The following NPNT variants were observed in gnomAD, a reference collection of about 807,000 sequenced individuals.
NPNT encodes the protein nephronectin.
In NPNT, 45 loss-of-function variants were observed where a neutral mutation model predicts 68.6. That is an observed-to-expected ratio of 0.66 (90% CI 0.52 to 0.84). The LOEUF (loss-of-function observed/expected upper bound fraction) is 0.84, where lower values mean the gene tolerates loss of function less well. NPNT is among the 40% of genes least tolerant of loss of function. The pLI is 0.00. For synonymous variants in NPNT, 233 were observed against 253.3 expected (o/e 0.92, Z 0.76); for missense variants, 672 against 714.8 (o/e 0.94, Z 0.68).
At chr4:105,928,709 A>T (rs1051958462) in intron 3 of NPNT, among the ~76,000 whole-genome samples, 6 of 152,010 alleles carry the variant, frequency 3.9e-5, no homozygotes, top group African/African-American at 1.2e-4. Flanking sequence ...TGTCAAAAAT[A>T]AAAAAGATAA....
At chr4:105,923,396 T>C (rs1728410159) in intron 2 of NPNT, among the ~76,000 whole-genome samples, 1 of 152,212 alleles carries the variant, frequency 6.6e-6, no homozygotes. Flanking sequence ...TACTAGGATC[T>C]ACTCATAACT....
At chr4:105,914,768 A>C (rs1236265211) in intron 2 of NPNT, among the ~76,000 whole-genome samples, 1 of 152,040 alleles carries the variant, frequency 6.6e-6, no homozygotes, top group Admixed American at 6.6e-5. Context: ...TCCTGGGCAC[A>C]CAGAAAAATG....
At chr4:105,944,605 A>G (rs1045772485) in intron 8 of NPNT, among the ~76,000 whole-genome samples, 4 of 152,230 alleles carry the variant, frequency 2.6e-5, no homozygotes, top group Non-Finnish European at 5.9e-5. Context: ...CAGAGTTCCA[A>G]TGATGTTTGG....
At chr4:105,925,959 A>G (rs1728645840) in intron 2 of NPNT, among the ~76,000 whole-genome samples, 1 of 152,228 alleles carries the variant, frequency 6.6e-6, no homozygotes, top group Non-Finnish European at 1.5e-5. Context: ...TCTGAAATGT[A>G]GGGAACATAA....
chr4:105,942,273 G>A, intron 7 of NPNT, 34 bp from the exon 8 acceptor site: 2 of 1,536,728 alleles, frequency 1.3e-6, no homozygotes, highest in Non-Finnish European at 1.8e-6. Context: ...GGGAGGAATG[G>A]TTACATACTG....
chr4:105,932,179 C>T (rs1695991868), intron 3 of NPNT, among the ~76,000 whole-genome samples: 1 of 149,504 alleles, frequency 6.7e-6, no homozygotes, highest in African/African-American at 2.5e-5. Flanking sequence ...TATTGTACAA[C>T]GTGATAGTGT....
chr4:105,921,549 C>T (rs1578611832), intron 2 of NPNT, among the ~76,000 whole-genome samples: 1 of 152,164 alleles, frequency 6.6e-6, no homozygotes, highest in South Asian at 2.1e-4. Context: ...GTTTTTACTG[C>T]AGCAGGAGTT....
chr4:105,958,975 T>C, intron 9 of NPNT, 53 bp from the exon 10 acceptor site: 1 of 1,132,234 alleles, frequency 8.8e-7, no homozygotes, highest in Non-Finnish European at 1.4e-6. Flanking sequence ...GATTCATTTG[T>C]TGTTTTTTGT....
chr4:105,949,558 A>T (rs1407178638), intron 8 of NPNT, among the ~76,000 whole-genome samples: 1 of 152,184 alleles, frequency 6.6e-6, no homozygotes, highest in East Asian at 1.9e-4. Context: ...GGGGATTGTT[A>T]AAAAGCCACT....
At chr4:105,932,695 C>T in intron 3 of NPNT, 1 of 1,535,598 alleles carries the variant, frequency 6.5e-7, no homozygotes, top group Middle Eastern at 1.7e-4. Flanking sequence ...ACAAGTTTGC[C>T]TTCAAGGGGT....
chr4:105,939,266 G>A (rs915186794), intron 5 of NPNT, among the ~76,000 whole-genome samples: 1 of 152,216 alleles, frequency 6.6e-6, no homozygotes, highest in Admixed American at 6.5e-5. Context: ...TTAGCCTTAA[G>A]GTAAGACCTG....
chr4:105,967,679 C>T (rs1732279917), intron 11 of NPNT, among the ~76,000 whole-genome samples: 1 of 151,460 alleles, frequency 6.6e-6, no homozygotes, highest in Admixed American at 6.6e-5. Context: ...GGTAAAGATC[C>T]ATTTTTTTTT....
rs899438822 is a variant in NPNT, at chr4:105,970,247, T to C, written c.*1257T>C. ...GGGCAAGTTGGAATTCTAAGATCCA[T>C]GAACCCCCAACTGTATTTCCTCCCT... On this transcript the variant is annotated 3_prime_UTR_variant, in exon 12 of 12. Coordinates refer to ENST00000379987, the MANE Select transcript of NPNT (RefSeq NM_001033047.3). 1 of 570,088 alleles carries C rather than the reference T, an allele frequency of 1.8e-6. No individual in the cohort carries two copies. Among genetic ancestry groups the C allele is most frequent in the Admixed American group, 3.0e-5 (1 of 32,802 alleles). The allele number at this position is 570,088 out of a possible 1,614,324, so 35.3% of individuals were successfully genotyped here.
chr4:105,951,261 G>A (rs888965592), intron 8 of NPNT, among the ~76,000 whole-genome samples: 1 of 152,194 alleles, frequency 6.6e-6, no homozygotes, highest in Non-Finnish European at 1.5e-5. Context: ...TTATTAATAT[G>A]TATCAGGTGC....
intron 5 of NPNT, among the ~76,000 whole-genome samples, chr4:105,939,734 A>C (rs561505310): frequency 2.9e-4 from 44 of 152,182 alleles, no homozygotes; most frequent in Admixed American, 2.7e-3. Flanking sequence ...ACTTTTTTTT[A>C]GAGGTAGAAT....
chr4:105,908,771 G>A (rs1727125786), intron 2 of NPNT, among the ~76,000 whole-genome samples: 1 of 152,026 alleles, frequency 6.6e-6, no homozygotes, highest in African/African-American at 2.4e-5. Flanking sequence ...TACCATGTTA[G>A]GCAGGATGGT....
At chr4:105,915,939 G>A (rs1159822138) in intron 2 of NPNT, among the ~76,000 whole-genome samples, 2 of 152,106 alleles carry the variant, frequency 1.3e-5, no homozygotes, top group Non-Finnish European at 2.9e-5. Context: ...GAAAAAGAAT[G>A]TGGGATAGGT....
At chr4:105,959,898 C>T (rs922613700) in intron 10 of NPNT, among the ~76,000 whole-genome samples, 11 of 151,664 alleles carry the variant, frequency 7.3e-5, no homozygotes, top group Admixed American at 2.6e-4. Context: ...CAACCTCTGC[C>T]TCCTGGGTTC....
intron 8 of NPNT, among the ~76,000 whole-genome samples, chr4:105,957,358 C>A (rs957644488): frequency 6.6e-6 from 1 of 152,082 alleles, no homozygotes; most frequent in African/African-American, 2.4e-5. Context: ...CCTTAGTGCC[C>A]GCCACAGTGG....
Sources: allele counts gnomAD v4.1 joint callset (sites outside exome capture counted in the v4.1 genomes callset), GRCh38; gene constraint gnomAD v4.1.1; transcripts MANE v1.5; gene names NCBI Gene and HGNC (gene_info 2026-07-23, HGNC 2026-07-21).